Variants in DNAH5 observed in about 807,000 individuals in gnomAD.
DNAH5 encodes the protein axonemal beta dynein heavy chain 5.
Under a neutral mutation model 518.2 loss-of-function variants are expected in DNAH5, and 372 were observed. The observed-to-expected ratio is 0.72, with a 90% CI of 0.66 to 0.78. The LOEUF is 0.78. Ranked by LOEUF, DNAH5 falls within the 30% of genes least tolerant of loss-of-function variation. The pLI, the probability that DNAH5 is intolerant of heterozygous loss-of-function variation, is 0.00. For missense variants in DNAH5, 5,523 were observed against 5,687.0 expected (o/e 0.97, Z 0.93); for synonymous variants, 2,039 against 2,025.9 (o/e 1.01, Z -0.17).
Position 13,855,730 on chromosome 5 carries a change from G to A in DNAH5, c.4950+3722C>T, listed in dbSNP as rs556629220. Among the ~76,000 whole-genome samples, 157 of 152,098 alleles carry A rather than the reference G, an allele frequency of 1.0e-3. 1 individual carries two copies. Among genetic ancestry groups the A allele is most frequent in the Non-Finnish European group, 2.1e-3 (143 of 68,006 alleles). The stretch of plus-strand genomic sequence containing the variant: ...ACCACATCATACTTATTCTAATATC[G>A]ACCACATAATTGGAAGTAAAACACT... On this transcript the variant is annotated intron_variant, in intron 30 of 78. Transcript: ENST00000265104.
chr5:13,900,285 A>C lies in DNAH5; in HGVS notation c.2180T>G (p.Met727Arg). The change falls in exon 15 of 79, where the codon ATG (methionine) becomes AGG (arginine). Residue 727 changes from methionine to arginine, a missense_variant. Transcript: ENST00000265104. ...LFRETECMAQ[M>R]GLEVSPLATS... ...TGCCAGTGGAGAGACTTCCAGACCC[A>C]TCTGGGCCATGCACTCTGTTTCTCT... 1 of 1,614,166 alleles carries C rather than the reference A, an allele frequency of 6.2e-7. No homozygotes were observed.
At chr5:13,859,065 A>C (rs1254428671) in intron 30 of DNAH5, among the ~76,000 whole-genome samples, 1 of 147,964 alleles carries the variant, frequency 6.8e-6, no homozygotes, top group Non-Finnish European at 1.5e-5. Flanking sequence ...ATTGTATAGT[A>C]TGCATTACTT....
chr5:13,793,786 C>T, intron 48 of DNAH5, 58 bp from the exon 49 acceptor site: 2 of 1,586,456 alleles, frequency 1.3e-6, no homozygotes, highest in South Asian at 1.1e-5. Context: ...CGGAGCCTAA[C>T]TCCTTGAGTG....
intron 49 of DNAH5, among the ~76,000 whole-genome samples, chr5:13,792,727 T>A (rs1757193214): frequency 6.6e-6 from 1 of 152,228 alleles, no homozygotes; most frequent in South Asian, 2.1e-4. Context: ...TCTGTTGGTT[T>A]CCAGACCTTG....
At chr5:13,835,050 TGAG>T (rs1764186622) in intron 35 of DNAH5, among the ~76,000 whole-genome samples, 1 of 152,088 alleles carries the variant, frequency 6.6e-6, no homozygotes, top group African/African-American at 2.4e-5. Flanking sequence ...TTTGGGAGGC[TGAG>T]GAGGGCAGAT....
At chr5:13,809,998 A>C in intron 45 of DNAH5, 61 bp downstream of exon 45, 6 of 1,413,238 alleles carry the variant, frequency 4.2e-6, no homozygotes, top group African/African-American at 1.4e-5. Context: ...TGGTGTAAAT[A>C]TTGGCCATGT....
chr5:13,702,443 T>C (rs1379727782), intron 76 of DNAH5, among the ~76,000 whole-genome samples: 1 of 152,224 alleles, frequency 6.6e-6, no homozygotes, highest in Admixed American at 6.5e-5. Context: ...TGTGTGTTTA[T>C]ACTACGTTCG....
chr5:13,742,716 C>T (rs4701981), intron 65 of DNAH5, among the ~76,000 whole-genome samples: 58,810 of 151,774 alleles, frequency 0.39, 11,798 homozygotes, highest in South Asian at 0.5. Flanking sequence ...TCGATTAAAG[C>T]AATTGCCTAT....
chr5:13,917,390 G>C, intron 7 of DNAH5, 134 bp from the exon 8 acceptor site: 1 of 715,604 alleles, frequency 1.4e-6, no homozygotes, highest in South Asian at 1.5e-5. Flanking sequence ...GAATCCAGAG[G>C]GGCGAGAGAT....
intron 47 of DNAH5, among the ~76,000 whole-genome samples, chr5:13,806,158 T>C (rs1347735819): frequency 2.0e-5 from 3 of 152,182 alleles, no homozygotes; most frequent in Admixed American, 6.5e-5. Context: ...AAAAGCTCTT[T>C]AATTGTAAAG....
At chr5:13,866,871 T>C (rs1314202534) in intron 25 of DNAH5, among the ~76,000 whole-genome samples, 1 of 152,202 alleles carries the variant, frequency 6.6e-6, no homozygotes. Context: ...TATAATTGCC[T>C]GGAGATGGGT....
At chr5:14,005,906 C>T (rs1784693205) in intron 1 of DNAH5, among the ~76,000 whole-genome samples, 1 of 152,174 alleles carries the variant, frequency 6.6e-6, no homozygotes, top group African/African-American at 2.4e-5. Context: ...AAGGAGGCAG[C>T]CGGAAGGCAA....
Position 13,788,495 on chromosome 5 carries a change from A to G in DNAH5, c.8647+221T>C, listed in dbSNP as rs116352581. 7.4e-3 allele frequency among the ~76,000 whole-genome samples: 1,128 copies of G among 152,218 alleles called. 10 individuals carry two copies. Among genetic ancestry groups the G allele is most frequent in the African/African-American group, 0.026 (1,079 of 41,528 alleles). The stretch of plus-strand genomic sequence containing the variant: ...AATCCTGCCCCCCAACTCTACTTTA[A>G]TATCCAAGCGTGATATGCATAAACT... On this transcript the variant is annotated intron_variant, in intron 51 of 78. Transcript: ENST00000265104.
In DNAH5 at chr5:13,886,052, A is replaced by C. The variant is rs764928919; in HGVS notation, c.2655T>G (p.Asn885Lys). Residue 885 changes from asparagine to lysine, a missense_variant, in exon 18 of 79, where the codon AAT (asparagine) becomes AAG (lysine). Coordinates refer to ENST00000265104, the MANE Select transcript of DNAH5 (RefSeq NM_001369.3). Reference protein sequence around the residue: ...LVEEAVNELVNMLLDVEVLSE... With the variant: ...LVEEAVNELVKMLLDVEVLSE... ...ATAAAACTTCCACATCCAGCAACAT[A>C]TTTACAAGCTCATTGACTGCCTCCT... 1.9e-6 allele frequency: 3 copies of C among 1,610,610 alleles called. No homozygotes were observed. Among genetic ancestry groups the C allele is most frequent in the Non-Finnish European group, 2.5e-6 (3 of 1,179,624 alleles).
chr5:13,697,448 T>C (rs1158587019), intron 78 of DNAH5, among the ~76,000 whole-genome samples: 1 of 152,194 alleles, frequency 6.6e-6, no homozygotes, highest in Admixed American at 6.5e-5. Flanking sequence ...TCCTTCATGT[T>C]TTAAACACTG....
intron 1 of DNAH5, among the ~76,000 whole-genome samples, chr5:13,939,340 G>A (rs1779247438): frequency 6.6e-6 from 1 of 152,168 alleles, no homozygotes; most frequent in Non-Finnish European, 1.5e-5. Flanking sequence ...GTTGTGCCTG[G>A]AACATAAGTG....
At chr5:13,864,167 G>T in intron 28 of DNAH5, among the ~76,000 whole-genome samples, 1 of 152,124 alleles carries the variant, frequency 6.6e-6, no homozygotes, top group East Asian at 1.9e-4. Flanking sequence ...GCCTTTATTT[G>T]TAAAATTATT....
intron 1 of DNAH5, among the ~76,000 whole-genome samples, chr5:13,989,616 T>C (rs916323163): frequency 6.6e-6 from 1 of 151,826 alleles, no homozygotes; most frequent in Non-Finnish European, 1.5e-5. Flanking sequence ...CCGGAGTAGC[T>C]GGGACTACAG....
intron 32 of DNAH5, 120 bp from the exon 33 acceptor site, chr5:13,842,024 G>T: frequency 1.5e-6 from 1 of 662,926 alleles, no homozygotes; most frequent in East Asian, 2.8e-5. Context: ...TACTGTAAAA[G>T]CCAAATATAA....
Sources: allele counts gnomAD v4.1 joint callset (sites outside exome capture counted in the v4.1 genomes callset), GRCh38; gene constraint gnomAD v4.1.1; transcripts MANE v1.5; gene names NCBI Gene and HGNC (gene_info 2026-07-23, HGNC 2026-07-21).